The following SEMA6D variants were observed in gnomAD, a reference collection of about 807,000 sequenced individuals.
The protein encoded by SEMA6D is semaphorin-6D.
In SEMA6D, 35 loss-of-function variants were observed where a neutral mutation model predicts 106.6. That is an observed-to-expected ratio of 0.33 (90% CI 0.25 to 0.44). The LOEUF is 0.44. Ranked by LOEUF, SEMA6D falls within the 20% of genes least tolerant of loss-of-function variation. SEMA6D has a pLI of 1.00. For synonymous variants in SEMA6D, 499 were observed against 487.7 expected, an observed-to-expected ratio of 1.02 and a Z score of -0.31; for missense variants, 1,185 against 1,345.9, an observed-to-expected ratio of 0.88 and a Z score of 1.87.
At chr15:47,576,102 T>C (rs562365132) in intron 3 of SEMA6D, among the ~76,000 whole-genome samples, 1 of 152,348 alleles carries the variant, frequency 6.6e-6, no homozygotes, top group African/African-American at 2.4e-5. Flanking sequence ...TTGACCATGA[T>C]TTTTCTTTTA....
chr15:47,287,188 T>C (rs1300025022), intron 1 of SEMA6D, among the ~76,000 whole-genome samples: 7 of 152,154 alleles, frequency 4.6e-5, no homozygotes, highest in Non-Finnish European at 1.0e-4. Context: ...TAAGAGATGG[T>C]AGAGTCCTTA....
chr15:47,709,983 C>G (rs971608879), intron 4 of SEMA6D, among the ~76,000 whole-genome samples: 20 of 151,768 alleles, frequency 1.3e-4, no homozygotes, highest in Admixed American at 9.8e-4. Flanking sequence ...GGGTAGTTTT[C>G]TCAAAGCACA....
chr15:47,753,300 T>C (rs1181712022), intron 1 of SEMA6D, among the ~76,000 whole-genome samples: 1 of 152,208 alleles, frequency 6.6e-6, no homozygotes, highest in East Asian at 1.9e-4. Flanking sequence ...GTTACATTAC[T>C]AGCGAGTTGT....
At chr15:47,668,278 A>T (rs1442584812) in intron 4 of SEMA6D, among the ~76,000 whole-genome samples, 1 of 152,232 alleles carries the variant, frequency 6.6e-6, no homozygotes, top group African/African-American at 2.4e-5. Flanking sequence ...AACTTGGGTC[A>T]GCTTGTTCTT....
At chr15:47,537,191 C>G (rs1436485247) in intron 3 of SEMA6D, among the ~76,000 whole-genome samples, 1 of 152,152 alleles carries the variant, frequency 6.6e-6, no homozygotes, top group Non-Finnish European at 1.5e-5. Flanking sequence ...AACAAACATT[C>G]CTCTTTTCAC....
In SEMA6D at chr15:47,542,450, C is replaced by A. The variant is rs572267245; in HGVS notation, c.-86-58415C>A. ...TCAATTCTACACATGCAGTTCTGGA[C>A]TCTGGCCCTATGAAGCTACTTGTTT... On this transcript the variant is annotated intron_variant, in intron 3 of 19. Coordinates refer to the SEMA6D transcript ENST00000558014. Among the ~76,000 whole-genome samples, 4 of 152,258 alleles carry A rather than the reference C, an allele frequency of 2.6e-5. No homozygotes were observed. The East Asian group carries it at 7.7e-4, about 29-fold the overall frequency.
chr15:47,471,929 T>TCACA (rs1451428855), intron 3 of SEMA6D, among the ~76,000 whole-genome samples: 776 of 105,916 alleles, frequency 7.3e-3, no homozygotes, highest in Admixed American at 0.012. Flanking sequence ...TCTCTCTCTC[T>TCACA]CTCACACACA....
chr15:47,475,601 G>A (rs954111762), intron 3 of SEMA6D, among the ~76,000 whole-genome samples: 2 of 152,208 alleles, frequency 1.3e-5, no homozygotes, highest in Admixed American at 1.3e-4. Flanking sequence ...TTGCAGTTCC[G>A]GATAAGGACA....
chr15:47,351,844 T>C (rs1189249451), intron 1 of SEMA6D, among the ~76,000 whole-genome samples: 1 of 152,196 alleles, frequency 6.6e-6, no homozygotes, highest in Non-Finnish European at 1.5e-5. Flanking sequence ...CTTTTATAGC[T>C]CTGATATGGA....
At chr15:47,286,420 C>G (rs1566973800) in intron 1 of SEMA6D, among the ~76,000 whole-genome samples, 1 of 152,044 alleles carries the variant, frequency 6.6e-6, no homozygotes, top group Non-Finnish European at 1.5e-5. Flanking sequence ...TGTATTGATT[C>G]ATTTAAAACA....
chr15:47,230,895 A>G (rs1253800254), intron 1 of SEMA6D, among the ~76,000 whole-genome samples: 1 of 152,006 alleles, frequency 6.6e-6, no homozygotes, highest in Non-Finnish European at 1.5e-5. Flanking sequence ...TGTGTAGGTA[A>G]TGATCACACT....
intron 1 of SEMA6D, among the ~76,000 whole-genome samples, chr15:47,751,330 G>T (rs1396503225): frequency 6.6e-6 from 1 of 152,130 alleles, no homozygotes; most frequent in Non-Finnish European, 1.5e-5. Flanking sequence ...AGGCTCCAAG[G>T]TATAGCAATC....
At chr15:47,645,064 A>G (rs946031575) in intron 4 of SEMA6D, among the ~76,000 whole-genome samples, 1 of 152,184 alleles carries the variant, frequency 6.6e-6, no homozygotes, top group Admixed American at 6.5e-5. Flanking sequence ...AGATATTGAC[A>G]TCAGCCTGTC....
intron 1 of SEMA6D, among the ~76,000 whole-genome samples, chr15:47,324,189 A>G (rs1183647522): frequency 2.0e-5 from 3 of 152,190 alleles, no homozygotes; most frequent in Non-Finnish European, 4.4e-5. Flanking sequence ...TCAATACATC[A>G]ATATATAACA....
chr15:47,717,220 T>C (rs1379981141), upstream of SEMA6D: 3 of 151,392 alleles, frequency 2.0e-5, no homozygotes, highest in Non-Finnish European at 4.4e-5. Context: ...AGAGGGAGGG[T>C]GCGCAGCAGA....
At chr15:47,552,881 A>ATATAAAAAT (rs2045784888) in intron 3 of SEMA6D, among the ~76,000 whole-genome samples, 1 of 14,338 alleles carries the variant, frequency 7.0e-5, no homozygotes, top group East Asian at 8.3e-4. Flanking sequence ...TATATATATA[A>ATATAAAAAT]ATATATATAA....
chr15:47,562,746 T>C (rs1566892410), intron 3 of SEMA6D, among the ~76,000 whole-genome samples: 1 of 152,126 alleles, frequency 6.6e-6, no homozygotes, highest in Non-Finnish European at 1.5e-5. Context: ...TAAAATGGTA[T>C]AGCTACTTTA....
chr15:47,599,049 A>G (rs905314075), intron 3 of SEMA6D, among the ~76,000 whole-genome samples: 2 of 152,092 alleles, frequency 1.3e-5, no homozygotes, highest in African/African-American at 4.8e-5. Flanking sequence ...GGAAAAGCTT[A>G]TCGATGAGCA....
intron 3 of SEMA6D, among the ~76,000 whole-genome samples, chr15:47,508,393 G>C (rs2044119637): frequency 6.6e-6 from 1 of 152,196 alleles, no homozygotes; most frequent in African/African-American, 2.4e-5. Context: ...AACTAAATGA[G>C]GCTGGGGATA....
Sources: allele counts gnomAD v4.1 joint callset (sites outside exome capture counted in the v4.1 genomes callset), GRCh38; gene constraint gnomAD v4.1.1; transcripts MANE v1.5; gene names NCBI Gene and HGNC (gene_info 2026-07-23, HGNC 2026-07-21).